The following PAK1 variants were observed in gnomAD, a reference collection of about 807,000 sequenced individuals.
The protein encoded by PAK1 is serine/threonine-protein kinase PAK 1.
A neutral mutation model predicts 67.4 loss-of-function variants in PAK1; 29 were observed. The observed-to-expected ratio is 0.43, with a 90% CI of 0.32 to 0.59. The LOEUF (loss-of-function observed/expected upper bound fraction) is 0.59. Among genes scored for constraint, PAK1 ranks in the 20% least tolerant of loss-of-function variants. The probability of loss-of-function intolerance (pLI) is 0.07; values close to 1 mark genes in which losing one functional copy is unlikely to be tolerated. For synonymous variants in PAK1, 223 were observed against 237.4 expected (o/e 0.94, Z 0.56); for missense variants, 337 against 670.7 (o/e 0.50, Z 5.50).
At chr11:77,520,720 G>A in the PAK1 span, among the ~76,000 whole-genome samples, 4 of 152,232 alleles carry the variant, frequency 2.6e-5, no homozygotes, top group East Asian at 1.9e-4. Context: ...GCAGTTTTTC[G>A]AAGAAGTCCC....
At chr11:77,366,615 A>T (rs1248465764) in intron 5 of PAK1, among the ~76,000 whole-genome samples, 1 of 152,248 alleles carries the variant, frequency 6.6e-6, no homozygotes, top group Non-Finnish European at 1.5e-5. Flanking sequence ...CAACATCATT[A>T]TCCATTAGGA....
intron 1 of PAK1, among the ~76,000 whole-genome samples, chr11:77,463,817 T>C (rs1957471643): frequency 1.3e-5 from 2 of 150,850 alleles, no homozygotes; most frequent in Non-Finnish European, 2.9e-5. Context: ...CCATTTACTC[T>C]TGCTTCCTAT....
In PAK1 at chr11:77,323,152, G is replaced by C. The variant is rs1938777801; in HGVS notation, c.*122C>G. ...TTTCCAAGGATCAAAGTCTTGAGGAGTGCTAGATCAGGAAATGGGAGAAGC... is the reference window on the plus strand; with the variant it reads ...TTTCCAAGGATCAAAGTCTTGAGGACTGCTAGATCAGGAAATGGGAGAAGC... On this transcript the variant is annotated 3_prime_UTR_variant, in exon 15 of 15. Coordinates refer to ENST00000356341, the MANE Select transcript of PAK1 (RefSeq NM_002576.5). The C allele has an allele frequency of 1.9e-6, 3 of 1,548,568 alleles. No individual in the cohort carries two copies. The South Asian group carries it at 3.6e-5, about 18-fold the overall frequency.
chr11:77,520,000 T>TG, the PAK1 span, among the ~76,000 whole-genome samples: 1 of 139,284 alleles, frequency 7.2e-6, no homozygotes, highest in African/African-American at 2.8e-5. Context: ...CCCTGGCCTG[T>TG]GGCCCCCCCC....
intron 11 of PAK1, 137 bp from the exon 12 acceptor site, chr11:77,337,560 C>G (rs1565585262): frequency 2.2e-6 from 1 of 464,906 alleles, no homozygotes; most frequent in African/African-American, 2.0e-5. Context: ...AGGACTTGCC[C>G]CAAATCAATC....
At position 77,392,526 on chromosome 11, in the gene PAK1, C is replaced by A; in HGVS notation, c.-6G>T. The A allele has an allele frequency of 6.3e-7, 1 of 1,584,272 alleles. No homozygotes were observed. The highest frequency in any genetic ancestry group is 1.1e-5 in the South Asian group (1 of 88,116). On this transcript the variant is annotated 5_prime_UTR_variant, in exon 2 of 15. Transcript: ENST00000356341. ...TCTAGGCCGTTATTTGACATTGTCA[C>A]CACCAGCAGCAGCTACTAGAATCAG...
chr11:77,340,516 A>G (rs1222083356), intron 11 of PAK1, 130 bp downstream of exon 11: 3 of 689,146 alleles, frequency 4.4e-6, no homozygotes, highest in Admixed American at 2.1e-5. Context: ...TACAGGAATG[A>G]TAGCAGTGTC....
In PAK1 at chr11:77,397,654, G is replaced by A. The variant is rs1015255704; in HGVS notation, c.-21-5113C>T. ...TTACATACTGAATCAAAGTAGACAG[G>A]GATTCAGAGAAGGAATGTGCTCACC... On this transcript the variant is annotated intron_variant, in intron 1 of 14. Coordinates refer to ENST00000356341, the MANE Select transcript of PAK1 (RefSeq NM_002576.5). Among the ~76,000 whole-genome samples, 4 of 152,134 alleles carry A rather than the reference G, an allele frequency of 2.6e-5. 1 individual carries two copies. The East Asian group carries it at 5.8e-4, about 22-fold the overall frequency.
chr11:77,445,237 G>A (rs958401662), intron 1 of PAK1, among the ~76,000 whole-genome samples: 3 of 152,160 alleles, frequency 2.0e-5, no homozygotes, highest in African/African-American at 7.2e-5. Context: ...CTAGGATAGA[G>A]GCCAGGCACC....
chr11:77,519,600 A>T, the PAK1 span, among the ~76,000 whole-genome samples: 1 of 152,094 alleles, frequency 6.6e-6, no homozygotes, highest in African/African-American at 2.4e-5. Flanking sequence ...TAATTCTTTC[A>T]TCCCTTATTG....
intron 1 of PAK1, among the ~76,000 whole-genome samples, chr11:77,436,230 C>A (rs879095720): frequency 6.6e-6 from 1 of 152,152 alleles, no homozygotes; most frequent in Admixed American, 6.5e-5. Context: ...TTGGAGGCCA[C>A]ACCAGGATAT....
chr11:77,325,525 T>C (rs754629038), intron 14 of PAK1: 88 of 795,702 alleles, frequency 1.1e-4, no homozygotes, highest in Non-Finnish European at 1.5e-4. Context: ...TATATTACTA[T>C]ATCAGGAAGA....
At chr11:77,470,103 A>T (rs1957781134) in intron 1 of PAK1, among the ~76,000 whole-genome samples, 1 of 152,144 alleles carries the variant, frequency 6.6e-6, no homozygotes. Flanking sequence ...TCTGGTTATT[A>T]TTTAGAAAAA....
the PAK1 span, among the ~76,000 whole-genome samples, chr11:77,497,774 G>A: frequency 6.6e-6 from 1 of 152,170 alleles, no homozygotes; most frequent in South Asian, 2.1e-4. Flanking sequence ...GATTCCTACT[G>A]TCTTAGTTTC....
chr11:77,378,980 G>A (rs1949463777), intron 4 of PAK1, among the ~76,000 whole-genome samples: 1 of 152,142 alleles, frequency 6.6e-6, no homozygotes, highest in Non-Finnish European at 1.5e-5. Flanking sequence ...TCAGAATCTA[G>A]ACCTTCTAGC....
chr11:77,522,439 G>A, the PAK1 span, among the ~76,000 whole-genome samples: 1 of 152,186 alleles, frequency 6.6e-6, no homozygotes, highest in Non-Finnish European at 1.5e-5. Context: ...CAAAGCCTTA[G>A]TAAGACAACC....
chr11:77,332,872 C>G lies in PAK1; in HGVS notation c.1414-5G>C. ...GGTGGCAATGAGGTACAAGGCCTGG[C>G]AATAAAAATGGTGAATCACCTTGAG... On this transcript the variant is annotated splice_region_variant and splice_polypyrimidine_tract_variant and intron_variant, in intron 13 of 14. Coordinates refer to ENST00000356341, the MANE Select transcript of PAK1 (RefSeq NM_002576.5). 6.2e-7 allele frequency: 1 copy of G among 1,613,236 alleles called. No individual in the cohort carries two copies. Among genetic ancestry groups the G allele is most frequent in the Non-Finnish European group, 8.5e-7 (1 of 1,179,306 alleles).
intron 1 of PAK1, among the ~76,000 whole-genome samples, chr11:77,413,647 G>A (rs947072308): frequency 4.0e-5 from 6 of 151,492 alleles, no homozygotes; most frequent in African/African-American, 1.5e-4. Flanking sequence ...CGCACCACTG[G>A]ACTCCAGCCT....
rs11324143 is a variant in PAK1, at chr11:77,324,172, CTT to C, written c.1552-814_1552-813del. Among the ~76,000 whole-genome samples the C allele has an allele frequency of 8.2e-4, 105 of 127,366 alleles. No individual in the cohort carries two copies. In the South Asian group the frequency reaches 0.01, roughly 12 times the overall value. The allele number at this position is 127,366 out of a possible 152,430, so 83.6% of individuals were successfully genotyped here. ...GTAAAACTGTTACAGAAAGCAATTC[CTT>C]TTTTTTTTTTTTTTTTGAGACGGAG... On this transcript the variant is annotated intron_variant, in intron 14 of 14. Coordinates refer to ENST00000356341, the MANE Select transcript of PAK1 (RefSeq NM_002576.5).
Sources: gnomAD v4.1 joint callset for allele counts (sites outside exome capture counted in the v4.1 genomes callset) on GRCh38, gnomAD v4.1.1 for gene constraint, MANE v1.5 for transcripts, NCBI Gene and HGNC (gene_info 2026-07-23, HGNC 2026-07-21) for gene names.